ZNF462: variants seen among roughly 807,000 people sequenced by gnomAD.
ZNF462 encodes zinc finger PBX1-interacting protein.
ZNF462 carries 10 observed loss-of-function variants against 201.9 expected under a neutral mutation model. The observed-to-expected ratio is 0.05, with a 90% confidence interval of 0.03 to 0.08. The LOEUF is 0.08. ZNF462 is among the 10% of genes least tolerant of loss of function. The pLI, the probability that ZNF462 is intolerant of heterozygous loss-of-function variation, is 1.00. For missense variants in ZNF462, 2,523 were observed against 3,168.3 expected, an observed-to-expected ratio of 0.80 and a Z score of 4.89; for synonymous variants, 1,227 against 1,193.3, an observed-to-expected ratio of 1.03 and a Z score of -0.58.
intron 7 of ZNF462, among the ~76,000 whole-genome samples, chr9:106,958,756 C>G (rs1831693055): frequency 1.3e-5 from 2 of 151,996 alleles, no homozygotes; most frequent in Admixed American, 1.3e-4. Flanking sequence ...AGACAGTCAA[C>G]CAATACATCC....
At position 107,009,687 on chromosome 9, in the gene ZNF462, A is replaced by G. The variant is rs1471191168; in HGVS notation, c.7313+19A>G. On this transcript the variant is annotated intron_variant, in intron 12 of 12. Coordinates refer to ENST00000277225, the MANE Select transcript of ZNF462 (RefSeq NM_021224.6). The surrounding 1 kb of genome is among the most constrained non-coding windows in gnomAD (Gnocchi z 6.1). ...ACGGCATGTAAGTTGGGCCACTTCA[A>G]GGATGCCTTTGTCCAAAGCAAGAGG... 3 of 1,277,264 alleles carry G rather than the reference A, an allele frequency of 2.3e-6. No individual in the cohort carries two copies. The highest frequency in any genetic ancestry group is 3.2e-6 in the Non-Finnish European group (3 of 941,400). 79.1% of individuals were successfully genotyped at this position (1,277,264 alleles called of 1,614,324 possible).
At chr9:106,960,794 AAAAC>A (rs1374182258) in intron 7 of ZNF462, among the ~76,000 whole-genome samples, 2 of 152,134 alleles carry the variant, frequency 1.3e-5, no homozygotes, top group African/African-American at 4.8e-5. Context: ...AGTGGCAGAA[AAAAC>A]AAACACACAC....
chr9:106,943,961 TA>T (rs1298560293), intron 7 of ZNF462, among the ~76,000 whole-genome samples: 1 of 152,284 alleles, frequency 6.6e-6, no homozygotes, highest in South Asian at 2.1e-4. Flanking sequence ...TCTGCCAAGA[TA>T]AAAAAATCTT....
chr9:106,981,891 C>T lies in ZNF462; in HGVS notation c.6833-2295C>T, dbSNP rs1053683660. On this transcript the variant is annotated intron_variant, in intron 9 of 12. Transcript: ENST00000277225. The surrounding 1 kb of genome is among the most constrained non-coding windows in gnomAD (Gnocchi z 4.0). The stretch of plus-strand genomic sequence containing the variant: ...TGTTCTTCTTCACCGTAGAGGTCAA[C>T]GGAACCAAGGCAGGCAGGACAGGGC... 3.9e-5 allele frequency among the ~76,000 whole-genome samples: 6 copies of T among 152,012 alleles called. No individual in the cohort carries two copies. The highest frequency in any genetic ancestry group is 1.4e-4 in the African/African-American group (6 of 41,384).
In ZNF462 at chr9:106,925,867, G is replaced by A. The variant is rs756901264; in HGVS notation, c.1955G>A (p.Ser652Asn). 6.2e-7 allele frequency: 1 copy of A among 1,614,182 alleles called. No individual in the cohort carries two copies. Among genetic ancestry groups the A allele is most frequent in the Non-Finnish European group, 8.5e-7 (1 of 1,180,046 alleles). The change falls in exon 3 of 13, where the codon AGC becomes AAC. Residue 652 changes from serine to asparagine, a missense_variant. This residue lies in a region of ZNF462 where 383 missense variants were observed against 453.4 expected (regional missense o/e 0.84). Transcript: ENST00000277225. The surrounding 1 kb of genome is among the most constrained non-coding windows in gnomAD (Gnocchi z 7.9). ...ENETDSHPSSSNTVKKSQTSI... is the reference protein window; with the variant it reads ...ENETDSHPSSNNTVKKSQTSI... ...GAGACAGACAGCCACCCCTCTTCCA[G>A]CAACACTGTGAAGAAAAGTCAGACC... is the stretch of plus-strand genomic sequence containing the variant.
chr9:106,913,465 T>A lies in ZNF462; in HGVS notation c.-30-9889T>A, dbSNP rs1012638100. Among the ~76,000 whole-genome samples, 4 of 152,170 alleles carry A rather than the reference T, an allele frequency of 2.6e-5. No individual in the cohort carries two copies. Among genetic ancestry groups the A allele is most frequent in the Non-Finnish European group, 5.9e-5 (4 of 68,016 alleles). On this transcript the variant is annotated intron_variant, in intron 1 of 12. Transcript: ENST00000277225. The surrounding 1 kb of genome is among the most constrained non-coding windows in gnomAD (Gnocchi z 4.1). ...GATATAAGAATAAAAAAGAACGTAT[T>A]ACTTGTCCTCTGAAGAGTGACTTAT...
At position 106,923,692 on chromosome 9, in the gene ZNF462, G is replaced by T; in HGVS notation, c.220+89G>T. 1 of 1,377,896 alleles carries T rather than the reference G, an allele frequency of 7.3e-7. No individual in the cohort carries two copies. The highest frequency in any genetic ancestry group is 2.4e-5 in the East Asian group (1 of 42,462). 85.4% of individuals were successfully genotyped at this position (1,377,896 alleles called of 1,614,324 possible). ...GTAGCCATGGTTCTTAATATACGTG[G>T]CTTTTGCAGAGTTTCTTGTGCTTTG... On this transcript the variant is annotated intron_variant, in intron 2 of 12. Transcript: ENST00000277225. The surrounding 1 kb of genome is among the most constrained non-coding windows in gnomAD (Gnocchi z 5.6).
intron 7 of ZNF462, among the ~76,000 whole-genome samples, chr9:106,971,192 C>T (rs185086640): frequency 6.6e-6 from 1 of 151,996 alleles, no homozygotes; most frequent in Admixed American, 6.5e-5. Flanking sequence ...CTGTTAAAGA[C>T]TGATTTTTTT....
At chr9:106,971,025 G>A (rs1034814411) in intron 7 of ZNF462, among the ~76,000 whole-genome samples, 1 of 151,786 alleles carries the variant, frequency 6.6e-6, no homozygotes, top group Admixed American at 6.6e-5. Context: ...ATTTTAATGG[G>A]ATTTATGAAT....
chr9:106,983,261 C>T (rs1051479791), intron 9 of ZNF462, among the ~76,000 whole-genome samples: 1 of 152,142 alleles, frequency 6.6e-6, no homozygotes, highest in Non-Finnish European at 1.5e-5. Context: ...GGTATGTTAA[C>T]GGGAAAAGCA....
At chr9:106,943,059 C>CGTGTGTGTGTGTGTGTGTGT (rs3056311) in intron 7 of ZNF462, among the ~76,000 whole-genome samples, 3 of 143,244 alleles carry the variant, frequency 2.1e-5, no homozygotes, top group African/African-American at 7.9e-5. Context: ...TTTGCGCGCG[C>CGTGTGTGTGTGTGTGTGTGT]GTGTGTGTGT....
intron 7 of ZNF462, among the ~76,000 whole-genome samples, chr9:106,965,362 G>GAT (rs34496243): frequency 0.28 from 41,740 of 151,700 alleles, 8,989 homozygotes; most frequent in African/African-American, 0.61. Context: ...TATGAGTAAT[G>GAT]ATATGTATGC....
intron 1 of ZNF462, among the ~76,000 whole-genome samples, chr9:106,904,565 A>G (rs565588053): frequency 6.6e-6 from 1 of 152,190 alleles, no homozygotes; most frequent in South Asian, 2.1e-4. Flanking sequence ...AGGTACACTG[A>G]TTATTCTTAG....
At chr9:107,000,099 C>T (rs1387387053) in intron 10 of ZNF462, among the ~76,000 whole-genome samples, 1 of 151,908 alleles carries the variant, frequency 6.6e-6, no homozygotes, top group Non-Finnish European at 1.5e-5. Flanking sequence ...AGATTAAGGA[C>T]TCAACACATG....
At chr9:107,007,855 G>A (rs1240760892) in intron 11 of ZNF462, among the ~76,000 whole-genome samples, 2 of 152,110 alleles carry the variant, frequency 1.3e-5, no homozygotes, top group Non-Finnish European at 2.9e-5. Context: ...CCATTGGAAA[G>A]GACAGATGAC....
At chr9:106,863,383 C>A in intron 1 of ZNF462, 28 bp downstream of exon 1, 1 of 393,632 alleles carries the variant, frequency 2.5e-6, no homozygotes, top group Non-Finnish European at 4.5e-6. Flanking sequence ...ACAACCACCT[C>A]GGGGTGGTCC....
chr9:106,907,420 T>A (rs978316190), intron 1 of ZNF462, among the ~76,000 whole-genome samples: 1 of 149,816 alleles, frequency 6.7e-6, no homozygotes, highest in Non-Finnish European at 1.5e-5. Flanking sequence ...TGCTAGTCTT[T>A]CATTGATATT....
intron 10 of ZNF462, among the ~76,000 whole-genome samples, chr9:106,987,261 CT>C (rs1827919856): frequency 6.6e-6 from 1 of 152,134 alleles, no homozygotes; most frequent in South Asian, 2.1e-4. Flanking sequence ...AGTGGCTGTA[CT>C]AGTTTATATC....
chr9:106,926,438 T>A lies in ZNF462; in HGVS notation c.2526T>A (p.Leu842=). 1.2e-6 allele frequency: 2 copies of A among 1,614,174 alleles called. No individual in the cohort carries two copies. The highest frequency in any genetic ancestry group is 1.7e-6 in the Non-Finnish European group (2 of 1,180,028). The change falls in exon 3 of 13, where the codon CTT becomes CTA. Residue 842 remains leucine, a synonymous_variant. Coordinates refer to ENST00000277225, the MANE Select transcript of ZNF462 (RefSeq NM_021224.6). The surrounding 1 kb of genome is among the most constrained non-coding windows in gnomAD (Gnocchi z 7.9). The part of the protein sequence containing the change: ...ENTDFGDSGR[L]YYCKHCDFNN... ...CAGACTTTGGTGACTCTGGAAGGCTTTACTATTGTAAACACTGTGACTTTA... is the reference window on the plus strand; with the variant it reads ...CAGACTTTGGTGACTCTGGAAGGCTATACTATTGTAAACACTGTGACTTTA...
Sources: gnomAD v4.1 joint callset for allele counts (sites outside exome capture counted in the v4.1 genomes callset) on GRCh38, gnomAD v4.1.1 for gene constraint, gnomAD v4.1.1 regional missense constraint, Gnocchi (gnomAD v3.1) non-coding constraint, MANE v1.5 for transcripts, NCBI Gene and HGNC (gene_info 2026-07-23, HGNC 2026-07-21) for gene names.